TUBB8B: variants seen among roughly 807,000 people sequenced by gnomAD.
TUBB8B encodes the protein HSA18p11 beta-tubulin 4Q pseudogene.
TUBB8B carries 26 observed loss-of-function variants against 31.9 expected under a neutral mutation model. The ratio of observed to expected loss-of-function variants is 0.81; its 90% CI spans 0.60 to 1.13. The LOEUF (loss-of-function observed/expected upper bound fraction) is 1.13, where lower values mean the gene tolerates loss of function less well. Among genes scored for constraint, TUBB8B ranks in the 50% most tolerant of loss-of-function variants. The probability of loss-of-function intolerance (pLI) is 0.00; values close to 1 mark genes in which losing one functional copy is unlikely to be tolerated. For missense variants in TUBB8B, 467 were observed against 586.7 expected, an observed-to-expected ratio of 0.80 and a Z score of 2.11; for synonymous variants, 173 against 231.0, an observed-to-expected ratio of 0.75 and a Z score of 2.28.
Position 48,124 on chromosome 18 carries a change from A to C in TUBB8B, c.601T>G (p.Cys201Gly), listed in dbSNP as rs1340850272. The change falls in exon 4 of 4, where the codon TGC (cysteine) becomes GGC (glycine). Residue 201 changes from cysteine to glycine, a missense_variant. Cys to Gly is a radical substitution (Grantham distance 159). Coordinates refer to ENST00000308911, the MANE Select transcript of TUBB8B (RefSeq NM_001358689.2). ...QLIENADETF[C>G]IDNEALYDIC... ...TCATATAGCGCTTCGTTATCTATGC[A>C]GAAGGTCTCATCCGCGTTTTCTATG... The C allele has an allele frequency of 1.2e-6, 2 of 1,613,982 alleles. No homozygotes were observed. The highest frequency in any genetic ancestry group is 2.2e-5 in the East Asian group (1 of 44,878).
At chr18:61,823 T>G in the TUBB8B span, among the ~76,000 whole-genome samples, 11 of 151,844 alleles carry the variant, frequency 7.2e-5, no homozygotes, top group East Asian at 1.9e-4. Context: ...GGAAATATGT[T>G]GTAGTTATTT....
At chr18:68,541 C>G in the TUBB8B span, among the ~76,000 whole-genome samples, 1 of 149,984 alleles carries the variant, frequency 6.7e-6, no homozygotes, top group East Asian at 1.9e-4. Context: ...TCCTCCTGAG[C>G]AGATGCAGAC....
chr18:63,455 T>G, the TUBB8B span, among the ~76,000 whole-genome samples: 1 of 151,478 alleles, frequency 6.6e-6, no homozygotes, highest in Admixed American at 6.6e-5. Flanking sequence ...TCTCTCTTTC[T>G]GTGCTAAGCC....
upstream of TUBB8B, among the ~76,000 whole-genome samples, chr18:54,077 C>A (rs957941467): frequency 1.3e-5 from 2 of 151,448 alleles, no homozygotes; most frequent in Admixed American, 6.6e-5. Flanking sequence ...ATTAAAAATT[C>A]TCTTTTTTCC....
At chr18:73,466 C>G in the TUBB8B span, 1 of 158,060 alleles carries the variant, frequency 6.3e-6, no homozygotes, top group Non-Finnish European at 1.5e-5. Flanking sequence ...GTGGACCCCC[C>G]GTCCTCACAG....
upstream of TUBB8B, chr18:49,830 C>T (rs1235284817): frequency 1.3e-5 from 8 of 595,156 alleles, no homozygotes; most frequent in East Asian, 1.2e-4. Context: ...CTTCTTCCCA[C>T]GTCTTTAGTA....
At chr18:66,461 G>T in the TUBB8B span, among the ~76,000 whole-genome samples, 1 of 147,092 alleles carries the variant, frequency 6.8e-6, no homozygotes, top group Non-Finnish European at 1.5e-5. Context: ...TGAGGCGGGA[G>T]GATCACTTGA....
At chr18:72,544 T>C in the TUBB8B span, among the ~76,000 whole-genome samples, 5 of 152,192 alleles carry the variant, frequency 3.3e-5, no homozygotes, top group Admixed American at 6.5e-5. Flanking sequence ...TTTCATTTGT[T>C]TGTGTTTTTT....
the TUBB8B span, among the ~76,000 whole-genome samples, chr18:61,385 G>A: frequency 1.3e-5 from 2 of 151,118 alleles, no homozygotes; most frequent in Non-Finnish European, 3.0e-5. Flanking sequence ...TTATTGTCTT[G>A]CTTCTCTATC....
chr18:51,390 C>T (rs1355104829), upstream of TUBB8B, among the ~76,000 whole-genome samples: 1 of 151,834 alleles, frequency 6.6e-6, no homozygotes, highest in Non-Finnish European at 1.5e-5. Flanking sequence ...ATGGGTCTTT[C>T]CCATGCTGCT....
the TUBB8B span, among the ~76,000 whole-genome samples, chr18:55,455 G>T: frequency 6.6e-6 from 1 of 151,798 alleles, no homozygotes; most frequent in Non-Finnish European, 1.5e-5. Flanking sequence ...CCACATGGCT[G>T]GGGAGGCCTC....
the TUBB8B span, among the ~76,000 whole-genome samples, chr18:58,350 A>G: frequency 2.6e-5 from 4 of 151,730 alleles, no homozygotes; most frequent in Admixed American, 2.0e-4. Flanking sequence ...ACATGTGAGC[A>G]TAGGTTGTTA....
chr18:55,586 A>G, the TUBB8B span, among the ~76,000 whole-genome samples: 1 of 151,604 alleles, frequency 6.6e-6, no homozygotes, highest in Non-Finnish European at 1.5e-5. Flanking sequence ...TCTCATGAGA[A>G]CTCACTCATT....
At chr18:72,670 AAC>A in the TUBB8B span, among the ~76,000 whole-genome samples, 2 of 152,068 alleles carry the variant, frequency 1.3e-5, no homozygotes, top group African/African-American at 4.8e-5. Flanking sequence ...TGAGCCTGAA[AAC>A]ACGGAGCACT....
At position 47,854 on chromosome 18, in the gene TUBB8B, G is replaced by T; in HGVS notation, c.871C>A (p.Gln291Lys). Residue 291 changes from glutamine (Q) to lysine (K), a missense_variant, in exon 4 of 4, where the codon CAG (glutamine) becomes AAG (lysine). By Grantham distance (53) the Gln-to-Lys change is moderately conservative (BLOSUM62 1). Around this residue, in one of 2 missense-constraint regions of TUBB8B, gnomAD observed 208 missense variants for 206.7 expected, o/e 1.01. Transcript: ENST00000308911. ...YRALTVAELT[Q>K]QMFDAKNMMA... ...ATGTTCTTAGCATCAAACATCTGCT[G>T]GGTGAGCTCAGCCACAGTCAAGGCC... 1 of 1,611,224 alleles carries T rather than the reference G, an allele frequency of 6.2e-7. No individual in the cohort carries two copies. The highest frequency in any genetic ancestry group is 2.2e-5 in the East Asian group (1 of 44,688).
the TUBB8B span, among the ~76,000 whole-genome samples, chr18:72,196 A>AAAAAAAAAAAAAAAAAACAAC: frequency 1.7e-3 from 142 of 84,444 alleles, 2 homozygotes; most frequent in African/African-American, 3.0e-3. Flanking sequence ...AAAAAAAAAA[A>AAAAAAAAAAAAAAAAAACAAC]AAAGGAAAAA....
Position 47,292 on chromosome 18 carries a change from G to A in TUBB8B, c.*98C>T, listed in dbSNP as rs1905628632. 1.7e-6 allele frequency: 1 copy of A among 585,362 alleles called. No individual in the cohort carries two copies. Among genetic ancestry groups the A allele is most frequent in the Non-Finnish European group, 3.0e-6 (1 of 335,552 alleles). The allele number at this position is 585,362 out of a possible 1,614,324, so 36.3% of individuals were successfully genotyped here. A position where few individuals can be genotyped will look rare whatever the true frequency, so the allele number is the denominator to read the frequency against. Reference sequence around the variant, plus strand: ...AATGCTTTAAAACGCAGCAGGAGATGTGAAGACACAAATTAACAAGCGTAT... The same window carrying A: ...AATGCTTTAAAACGCAGCAGGAGATATGAAGACACAAATTAACAAGCGTAT... On this transcript the variant is annotated 3_prime_UTR_variant, in exon 4 of 4. Transcript: ENST00000308911.
At chr18:71,473 G>A in the TUBB8B span, among the ~76,000 whole-genome samples, 609 of 150,640 alleles carry the variant, frequency 4.0e-3, 3 homozygotes, top group African/African-American at 0.014. Context: ...CTTGAACCCA[G>A]GAGGCAGAGG....
chr18:68,626 C>A, the TUBB8B span, among the ~76,000 whole-genome samples: 1 of 152,188 alleles, frequency 6.6e-6, no homozygotes, highest in South Asian at 2.1e-4. Flanking sequence ...GCACAATCCA[C>A]CCGCCCACAG....
Sources: gnomAD v4.1 joint callset for allele counts (sites outside exome capture counted in the v4.1 genomes callset) on GRCh38, gnomAD v4.1.1 for gene constraint, gnomAD v4.1.1 regional missense constraint, MANE v1.5 for transcripts, NCBI Gene and HGNC (gene_info 2026-07-23, HGNC 2026-07-21) for gene names.